Variants in MTF2 observed in about 807,000 individuals in gnomAD.
The protein encoded by MTF2 is metal response element binding transcription factor 2.
Under a neutral mutation model 79.5 loss-of-function variants are expected in MTF2, and 11 were observed. The ratio of observed to expected loss-of-function variants is 0.14; its 90% CI spans 0.09 to 0.23. MTF2 has a LOEUF of 0.23. MTF2 is among the 10% of genes least tolerant of loss of function. MTF2 has a pLI of 1.00. For synonymous variants in MTF2, 208 were observed against 232.8 expected (o/e 0.89, Z 0.97); for missense variants, 486 against 711.2 (o/e 0.68, Z 3.60).
intron 1 of MTF2, among the ~76,000 whole-genome samples, chr1:93,082,105 A>G (rs968099494): frequency 6.6e-6 from 1 of 152,198 alleles, no homozygotes; most frequent in Non-Finnish European, 1.5e-5. Context: ...TTTTTAAAAT[A>G]TAAGATTCTG....
Position 93,134,451 on chromosome 1 carries a change from G to A in MTF2, c.1424+256G>A, listed in dbSNP as rs566024283. 7.6e-6 allele frequency: 3 copies of A among 392,454 alleles called. No individual in the cohort carries two copies. In the South Asian group the frequency reaches 1.3e-4, roughly 16 times the overall value. 24.3% of individuals were successfully genotyped at this position (392,454 alleles called of 1,614,324 possible). A position where few individuals can be genotyped will look rare whatever the true frequency, so the allele number is the denominator to read the frequency against. ...GTACACAGAGAAAAAGTATACCATT[G>A]TTTAGAAGCTGTGCTCGTTAGGCTT... On this transcript the variant is annotated intron_variant, in intron 14 of 14. Transcript: ENST00000370298.
In MTF2 at chr1:93,138,849, A is replaced by G. The variant is rs971392955; in HGVS notation, c.*1822A>G. 2.6e-5 allele frequency: 4 copies of G among 152,212 alleles called. No individual in the cohort carries two copies. Among genetic ancestry groups the G allele is most frequent in the Non-Finnish European group, 4.4e-5 (3 of 68,028 alleles). The allele number at this position is 152,212 out of a possible 1,614,324, so 9.4% of individuals were successfully genotyped here. ...GTATCATATTATTTCATTTTCCCCA[A>G]AGTCCTTTAATTCTAACTGAACACC... On this transcript the variant is annotated 3_prime_UTR_variant, in exon 15 of 15. Transcript: ENST00000370298.
intron 3 of MTF2, among the ~76,000 whole-genome samples, chr1:93,111,801 C>T (rs1656038570): frequency 6.6e-6 from 1 of 152,036 alleles, no homozygotes; most frequent in Non-Finnish European, 1.5e-5. Context: ...ATCTTACTAC[C>T]CTGCACACAA....
At chr1:93,089,903 G>T (rs1049619108) in intron 1 of MTF2, among the ~76,000 whole-genome samples, 23 of 150,012 alleles carry the variant, frequency 1.5e-4, no homozygotes, top group Admixed American at 1.1e-3. Flanking sequence ...GGAGTGCAGT[G>T]GCGCAATCTT....
intron 1 of MTF2, among the ~76,000 whole-genome samples, 199 bp from the exon 2 acceptor site, chr1:93,110,031 T>C (rs982114805): frequency 6.6e-6 from 1 of 152,220 alleles, no homozygotes; most frequent in Admixed American, 6.5e-5. Context: ...GAGTAGGCAA[T>C]GAATGGATAT....
Position 93,138,718 on chromosome 1 carries a change from G to A in MTF2, c.*1691G>A, listed in dbSNP as rs1352689155. 6.6e-6 allele frequency: 1 copy of A among 152,162 alleles called. No individual in the cohort carries two copies. Among genetic ancestry groups the A allele is most frequent in the African/African-American group, 2.4e-5 (1 of 41,434 alleles). 9.4% of individuals were successfully genotyped at this position (152,162 alleles called of 1,614,324 possible). On this transcript the variant is annotated 3_prime_UTR_variant, in exon 15 of 15. Coordinates refer to ENST00000370298, the MANE Select transcript of MTF2 (RefSeq NM_007358.4). ...ATTTAAGGTTGCCTTTCCTGCAGCT[G>A]CAATATTTTGAATAACACACAGAGT...
intron 3 of MTF2, among the ~76,000 whole-genome samples, chr1:93,111,225 T>C (rs1392369177): frequency 3.3e-5 from 5 of 152,200 alleles, no homozygotes; most frequent in African/African-American, 7.2e-5. Context: ...CTGCTAAATA[T>C]AGATGTTTTA....
intron 1 of MTF2, among the ~76,000 whole-genome samples, chr1:93,104,280 T>C (rs193038626): frequency 1.3e-5 from 2 of 152,230 alleles, no homozygotes; most frequent in Admixed American, 6.5e-5. Flanking sequence ...ATAGGATTTA[T>C]GTTTATGTGG....
At chr1:93,117,128 A>G (rs1163165400) in intron 6 of MTF2, among the ~76,000 whole-genome samples, 1 of 152,252 alleles carries the variant, frequency 6.6e-6, no homozygotes, top group Non-Finnish European at 1.5e-5. Context: ...AATAGACTGA[A>G]TCAAGGTATA....
chr1:93,094,953 A>G (rs1655220693), intron 1 of MTF2, among the ~76,000 whole-genome samples: 1 of 152,160 alleles, frequency 6.6e-6, no homozygotes, highest in South Asian at 2.1e-4. Context: ...AATTCCTTGA[A>G]AGAATAAACG....
At chr1:93,102,055 A>G (rs956288845) in intron 1 of MTF2, among the ~76,000 whole-genome samples, 3 of 152,174 alleles carry the variant, frequency 2.0e-5, no homozygotes, top group Non-Finnish European at 4.4e-5. Flanking sequence ...ATCTGAGATG[A>G]GGTGAGATGA....
intron 9 of MTF2, among the ~76,000 whole-genome samples, chr1:93,122,329 ATGTAGACATTGGG>A (rs1656517435): frequency 6.6e-6 from 1 of 152,160 alleles, no homozygotes; most frequent in African/African-American, 2.4e-5. Flanking sequence ...TAGTAACTTG[ATGTAGACATTGGG>A]TATATATAAT....
At chr1:93,129,765 A>G (rs949588629) in intron 11 of MTF2, among the ~76,000 whole-genome samples, 1 of 152,132 alleles carries the variant, frequency 6.6e-6, no homozygotes, top group Non-Finnish European at 1.5e-5. Flanking sequence ...TTCATTCAGC[A>G]CAGTTTTCAA....
At chr1:93,079,708 T>G (rs1654519757) in intron 1 of MTF2, among the ~76,000 whole-genome samples, 177 bp downstream of exon 1, 1 of 150,054 alleles carries the variant, frequency 6.7e-6, no homozygotes, top group Non-Finnish European at 1.5e-5. Flanking sequence ...TGAAGAGGAG[T>G]AGTCAGTTGA....
At chr1:93,117,700 G>A (rs1258154867) in intron 6 of MTF2, among the ~76,000 whole-genome samples, 1 of 152,156 alleles carries the variant, frequency 6.6e-6, no homozygotes, top group African/African-American at 2.4e-5. Flanking sequence ...CTCTGAATCT[G>A]ACCTCTCCTG....
chr1:93,129,512 T>C, intron 11 of MTF2, 64 bp downstream of exon 11: 1 of 1,322,238 alleles, frequency 7.6e-7, no homozygotes, highest in Non-Finnish European at 1.0e-6. Flanking sequence ...ATGTATGTTA[T>C]TTAGTCTCCT....
At chr1:93,135,875 G>A (rs1647368373) in intron 14 of MTF2, among the ~76,000 whole-genome samples, 1 of 152,184 alleles carries the variant, frequency 6.6e-6, no homozygotes, top group Non-Finnish European at 1.5e-5. Context: ...TTACAGATGA[G>A]GAAAGTGAGA....
At chr1:93,104,677 C>CAAAA (rs35746040) in intron 1 of MTF2, among the ~76,000 whole-genome samples, 3 of 96,394 alleles carry the variant, frequency 3.1e-5, no homozygotes, top group African/African-American at 1.4e-4. Flanking sequence ...GACTCCATCT[C>CAAAA]AAAAAAAAAA....
chr1:93,096,993 A>G (rs1365982912), intron 1 of MTF2, among the ~76,000 whole-genome samples: 1 of 151,402 alleles, frequency 6.6e-6, no homozygotes, highest in African/African-American at 2.4e-5. Context: ...AATTTTTTGT[A>G]GAGATGCGGT....
Sources: gnomAD v4.1 joint callset for allele counts (sites outside exome capture counted in the v4.1 genomes callset) on GRCh38, gnomAD v4.1.1 for gene constraint, MANE v1.5 for transcripts, NCBI Gene and HGNC (gene_info 2026-07-23, HGNC 2026-07-21) for gene names.